Variants in ZFAND5 observed in about 807,000 individuals in gnomAD.
ZFAND5 encodes zinc finger AN1-type containing 5.
A neutral mutation model predicts 23.6 loss-of-function variants in ZFAND5; 4 were observed. The ratio of observed to expected loss-of-function variants is 0.17; its 90% CI spans 0.08 to 0.39. ZFAND5 has a LOEUF of 0.39. ZFAND5 is among the 10% of genes least tolerant of loss of function. ZFAND5 has a pLI of 1.00. For synonymous variants in ZFAND5, 68 were observed against 80.6 expected, an observed-to-expected ratio of 0.84 and a Z score of 0.84; for missense variants, 161 against 253.7, an observed-to-expected ratio of 0.63 and a Z score of 2.48.
rs1046017935 is a variant in ZFAND5, at chr9:72,365,009, C to A, written c.-460G>T. 6.6e-6 allele frequency: 1 copy of A among 152,224 alleles called. No homozygotes were observed. The highest frequency in any genetic ancestry group is 1.5e-5 in the Non-Finnish European group (1 of 68,080). 9.4% of individuals were successfully genotyped at this position (152,224 alleles called of 1,614,324 possible). On this transcript the variant is annotated 5_prime_UTR_variant, in exon 1 of 7. Coordinates refer to ENST00000376962, the MANE Select transcript of ZFAND5 (RefSeq NM_001102420.3). ...AACGCTGCTCGAGGCGCTCGCCTGT[C>A]GTCGCCTCACGCCTCCACAGGCCGC...
At chr9:72,356,320 GAGAAAT>G (rs1841943150) in intron 6 of ZFAND5, among the ~76,000 whole-genome samples, 1 of 152,220 alleles carries the variant, frequency 6.6e-6, no homozygotes, top group Non-Finnish European at 1.5e-5. Flanking sequence ...TTGACATGGT[GAGAAAT>G]TCAAATAACT....
chr9:72,362,823 G>A (rs1842143343), intron 2 of ZFAND5, among the ~76,000 whole-genome samples: 1 of 152,120 alleles, frequency 6.6e-6, no homozygotes, highest in African/African-American at 2.4e-5. Flanking sequence ...GGGCGCTTCA[G>A]CCTGTCACAA....
intron 5 of ZFAND5, among the ~76,000 whole-genome samples, chr9:72,359,172 T>C (rs1050301806): frequency 5.9e-5 from 9 of 152,160 alleles, no homozygotes; most frequent in Non-Finnish European, 8.8e-5. Context: ...ATTACAGACT[T>C]TGCCCATTAT....
Position 72,355,014 on chromosome 9 carries a change from G to C in ZFAND5, c.*939C>G, listed in dbSNP as rs963657187. The C allele has an allele frequency of 6.6e-6, 1 of 152,630 alleles. No individual in the cohort carries two copies. Among genetic ancestry groups the C allele is most frequent in the African/African-American group, 2.4e-5 (1 of 41,458 alleles). The allele number at this position is 152,630 out of a possible 1,614,324, so 9.5% of individuals were successfully genotyped here. The stretch of plus-strand genomic sequence containing the variant: ...ATGATTTTCCATGCAGAAGGGTACA[G>C]TTACATTAAGAACTGAAGTCTTTTA... On this transcript the variant is annotated 3_prime_UTR_variant, in exon 7 of 7. Transcript: ENST00000376962.
At position 72,354,961 on chromosome 9, in the gene ZFAND5, T is replaced by A. The variant is rs1489842850; in HGVS notation, c.*992A>T. 1 of 152,638 alleles carries A rather than the reference T, an allele frequency of 6.6e-6. No homozygotes were observed. The highest frequency in any genetic ancestry group is 1.5e-5 in the Non-Finnish European group (1 of 68,034). 9.5% of individuals were successfully genotyped at this position (152,638 alleles called of 1,614,324 possible). A position where few individuals can be genotyped will look rare whatever the true frequency, so the allele number is the denominator to read the frequency against. On this transcript the variant is annotated 3_prime_UTR_variant, in exon 7 of 7. Transcript: ENST00000376962. ...CTCTGCAAGTGGTGCTGGATACCAC[T>A]AAGAAGTCTACTGCAGCCATGTTGG...
chr9:72,363,727 T>C (rs1842169260), intron 1 of ZFAND5, 121 bp from the exon 2 acceptor site: 2 of 795,490 alleles, frequency 2.5e-6, no homozygotes, highest in Non-Finnish European at 3.0e-6. Flanking sequence ...AACTGAGTTC[T>C]GAAAGCCTAC....
chr9:72,359,978 G>C, intron 4 of ZFAND5, 132 bp downstream of exon 4: 1 of 673,322 alleles, frequency 1.5e-6, no homozygotes, highest in Admixed American at 3.1e-5. Context: ...TGACTTAAGA[G>C]TCATGTATTA....
Position 72,356,115 on chromosome 9 carries a change from GAAGTA to G in ZFAND5, c.494-19_494-15del. On this transcript the variant is annotated splice_polypyrimidine_tract_variant and intron_variant, in intron 6 of 6. Coordinates refer to ENST00000376962, the MANE Select transcript of ZFAND5 (RefSeq NM_001102420.3). ...GGCAGTCAAACCCTGTACAAACGAAGAAGTAGAGTCATTTGAGAACTTGAGGCAAT... is the reference window on the plus strand; with the variant it reads ...GGCAGTCAAACCCTGTACAAACGAAGGAGTCATTTGAGAACTTGAGGCAAT... 1 of 1,596,060 alleles carries G rather than the reference GAAGTA, an allele frequency of 6.3e-7. No homozygotes were observed. The highest frequency in any genetic ancestry group is 8.5e-7 in the Non-Finnish European group (1 of 1,175,540).
chr9:72,363,738 T>A (rs1441297800), intron 1 of ZFAND5, 132 bp from the exon 2 acceptor site: 1 of 724,284 alleles, frequency 1.4e-6, no homozygotes, highest in African/African-American at 1.9e-5. Context: ...GAAAGCCTAC[T>A]CTTTAAAAAA....
chr9:72,355,580 A>C lies in ZFAND5; in HGVS notation c.*373T>G, dbSNP rs1841921168. 6.4e-6 allele frequency: 1 copy of C among 156,324 alleles called. No individual in the cohort carries two copies. 9.7% of individuals were successfully genotyped at this position (156,324 alleles called of 1,614,324 possible). A position where few individuals can be genotyped will look rare whatever the true frequency, so the allele number is the denominator to read the frequency against. On this transcript the variant is annotated 3_prime_UTR_variant, in exon 7 of 7. Transcript: ENST00000376962. ...CCATTTTAAAAAAATACAGGCACAT[A>C]ACACTAGCCAAAGATTATACCTTGA...
rs750503392 is a variant in ZFAND5 at position 72,359,490 on chromosome 9, G to C, written c.295C>G (p.Gln99Glu). Residue 99 changes from glutamine (Q) to glutamate (E), a missense_variant, in exon 5 of 7, where the codon CAG becomes GAG. By Grantham distance (29) the Gln-to-Glu change is conservative. Coordinates refer to ENST00000376962, the MANE Select transcript of ZFAND5 (RefSeq NM_001102420.3). ...NVPVAALPVT[Q>E]QMTEMSISRE... ...GAAATGCTCATTTCTGTCATTTGCT[G>C]AGTTACAGGCAAGGCAGCCACAGGC... 10 of 1,613,644 alleles carry C rather than the reference G, an allele frequency of 6.2e-6. No individual in the cohort carries two copies. The South Asian group carries it at 9.9e-5, about 16-fold the overall frequency.
At position 72,354,279 on chromosome 9, in the gene ZFAND5, A is replaced by T. The variant is rs1443644555; in HGVS notation, c.*1674T>A. The T allele has an allele frequency of 7.2e-5, 11 of 152,256 alleles. No homozygotes were observed. Among genetic ancestry groups the T allele is most frequent in the African/African-American group, 2.7e-4 (11 of 41,454 alleles). The allele number at this position is 152,256 out of a possible 1,614,324, so 9.4% of individuals were successfully genotyped here. A position where few individuals can be genotyped will look rare whatever the true frequency, so the allele number is the denominator to read the frequency against. ...CAAAGGTGCCTATTGAATTCTTCAA[A>T]AATAAACTGCCTATCAGGTATCATA... is the stretch of plus-strand genomic sequence containing the variant. On this transcript the variant is annotated 3_prime_UTR_variant, in exon 7 of 7. Transcript: ENST00000376962.
At position 72,364,835 on chromosome 9, in the gene ZFAND5, A is replaced by G; in HGVS notation, c.-286T>C. The stretch of plus-strand genomic sequence containing the variant: ...GGGAGCGGGTCGGAGCAGCAGGCGG[A>G]GGTGGCGCCGCCGCCGCCGCGGGGT... On this transcript the variant is annotated 5_prime_UTR_variant, in exon 1 of 7. Transcript: ENST00000376962. 1 of 158,344 alleles carries G rather than the reference A, an allele frequency of 6.3e-6. No individual in the cohort carries two copies. Among genetic ancestry groups the G allele is most frequent in the Admixed American group, 6.6e-5 (1 of 15,176 alleles). The allele number at this position is 158,344 out of a possible 1,614,324, so 9.8% of individuals were successfully genotyped here. A position where few individuals can be genotyped will look rare whatever the true frequency, so the allele number is the denominator to read the frequency against.
intron 6 of ZFAND5, 80 bp from the exon 7 acceptor site, chr9:72,356,181 G>C: frequency 6.6e-7 from 1 of 1,520,476 alleles, no homozygotes; most frequent in East Asian, 2.3e-5. Flanking sequence ...TATAGAAAAG[G>C]AACCAGATTT....
chr9:72,360,861 T>C (rs112809918), intron 2 of ZFAND5, 74 bp from the exon 3 acceptor site: 24,940 of 1,330,192 alleles, frequency 0.019, 267 homozygotes, highest in Non-Finnish European at 0.021. Flanking sequence ...CGGTATACCG[T>C]TGTAATTGCT....
Position 72,358,280 on chromosome 9 carries a change from AAAG to A in ZFAND5, c.367+1135_367+1137del, listed in dbSNP as rs1411242467. 2.6e-5 allele frequency among the ~76,000 whole-genome samples: 4 copies of A among 152,276 alleles called. No homozygotes were observed. In the East Asian group the frequency reaches 7.7e-4, roughly 29 times the overall value. ...ATGTTTATCCTGATGTCATGAGGAT[AAAG>A]AATAATCTAGGGGAATAGTTGTATG... On this transcript the variant is annotated intron_variant, in intron 5 of 6. Transcript: ENST00000376962.
intron 5 of ZFAND5, among the ~76,000 whole-genome samples, chr9:72,357,620 G>A (rs534833528): frequency 1.3e-5 from 2 of 152,206 alleles, no homozygotes; most frequent in South Asian, 2.1e-4. Flanking sequence ...TTTCACAGGT[G>A]CACTAAACAT....
At chr9:72,359,397 A>G in intron 5 of ZFAND5, 21 bp downstream of exon 5, 1 of 1,608,460 alleles carries the variant, frequency 6.2e-7, no homozygotes, top group Non-Finnish European at 8.5e-7. Context: ...GAACTGAACA[A>G]GTATTAAATG....
intron 1 of ZFAND5, 41 bp from the exon 2 acceptor site, chr9:72,363,647 A>C (rs2975098): frequency 1.0e-6 from 1 of 983,092 alleles, no homozygotes; most frequent in South Asian, 4.7e-5. Context: ...AAGAATCCTT[A>C]ATTTTTTAGG....
Sources: gnomAD v4.1 joint callset for allele counts (sites outside exome capture counted in the v4.1 genomes callset) on GRCh38, gnomAD v4.1.1 for gene constraint, MANE v1.5 for transcripts, NCBI Gene and HGNC (gene_info 2026-07-23, HGNC 2026-07-21) for gene names.